CSMD1: variants seen among roughly 807,000 people sequenced by gnomAD.
CSMD1 encodes CUB and sushi domain-containing protein 1.
In CSMD1, 213 loss-of-function variants were observed where a neutral mutation model predicts 417.5. That is an observed-to-expected ratio of 0.51 (90% confidence interval 0.46 to 0.57). The LOEUF (loss-of-function observed/expected upper bound fraction) is 0.57. Ranked by LOEUF, CSMD1 falls within the 20% of genes least tolerant of loss-of-function variation. The pLI, the probability that CSMD1 is intolerant of heterozygous loss-of-function variation, is 0.00. For missense variants in CSMD1, 6,923 were observed against 4,529.7 expected, an observed-to-expected ratio of 1.53 and a Z score of -15.17; for synonymous variants, 2,862 against 1,736.8, an observed-to-expected ratio of 1.65 and a Z score of -16.11.
At chr8:3,232,144 C>A (rs1032451444) in intron 26 of CSMD1, among the ~76,000 whole-genome samples, 2 of 152,208 alleles carry the variant, frequency 1.3e-5, no homozygotes, top group Admixed American at 6.5e-5. Flanking sequence ...CACCTTCTTC[C>A]TCCACTTCAG....
chr8:4,858,912 C>T (rs1011150811), intron 1 of CSMD1, among the ~76,000 whole-genome samples: 1 of 150,988 alleles, frequency 6.6e-6, no homozygotes, highest in Non-Finnish European at 1.5e-5. Flanking sequence ...TTGGAAAAAA[C>T]TACTTTAAAG....
intron 5 of CSMD1, among the ~76,000 whole-genome samples, chr8:3,928,254 A>G (rs1490499266): frequency 6.6e-6 from 1 of 152,254 alleles, no homozygotes; most frequent in African/African-American, 2.4e-5. Flanking sequence ...ATACAGCCTC[A>G]TAATTACATA....
At chr8:3,886,600 G>C (rs1806580452) in intron 5 of CSMD1, among the ~76,000 whole-genome samples, 1 of 152,146 alleles carries the variant, frequency 6.6e-6, no homozygotes, top group Non-Finnish European at 1.5e-5. Flanking sequence ...CAAAGTCCCT[G>C]GAGTCAGATT....
At chr8:3,121,731 G>A (rs374787248) in intron 41 of CSMD1, among the ~76,000 whole-genome samples, 1 of 152,060 alleles carries the variant, frequency 6.6e-6, no homozygotes, top group Admixed American at 6.5e-5. Context: ...GCCAGGAGTC[G>A]AATGCTGCAG....
At position 4,172,485 on chromosome 8, in the gene CSMD1, A is replaced by T. The variant is rs1026482884; in HGVS notation, c.416-140386T>A. Among the ~76,000 whole-genome samples, 32 of 152,126 alleles carry T rather than the reference A, an allele frequency of 2.1e-4. 1 individual carries two copies. Among genetic ancestry groups the T allele is most frequent in the African/African-American group, 7.2e-4 (30 of 41,492 alleles). On this transcript the variant is annotated intron_variant, in intron 3 of 69. Coordinates refer to ENST00000635120, the MANE Select transcript of CSMD1 (RefSeq NM_033225.6). ...ACAGACACTATCTTATTCACATGAC[A>T]ATTAAAAAAAAAAACTGAAGGATCA...
intron 3 of CSMD1, among the ~76,000 whole-genome samples, chr8:4,212,174 T>TATATATA (rs1800352403): frequency 6.9e-6 from 1 of 145,716 alleles, no homozygotes; most frequent in African/African-American, 2.5e-5. Context: ...ACTTCCCTAT[T>TATATATA]TATATATATA....
chr8:3,176,300 A>G (rs1238862334), intron 37 of CSMD1, among the ~76,000 whole-genome samples: 1 of 152,196 alleles, frequency 6.6e-6, no homozygotes, highest in African/African-American at 2.4e-5. Context: ...TAATGAGAAT[A>G]TACATTAAAT....
At chr8:4,269,960 C>A (rs746635296) in intron 3 of CSMD1, among the ~76,000 whole-genome samples, 58 of 152,188 alleles carry the variant, frequency 3.8e-4, no homozygotes, top group African/African-American at 1.4e-3. Flanking sequence ...CACGACCTCT[C>A]TGAGGCACAG....
intron 1 of CSMD1, among the ~76,000 whole-genome samples, chr8:4,896,354 T>G (rs1320279431): frequency 6.6e-6 from 1 of 152,108 alleles, no homozygotes; most frequent in African/African-American, 2.4e-5. Context: ...TATTTGAGCT[T>G]AACACAGGGA....
intron 3 of CSMD1, among the ~76,000 whole-genome samples, chr8:4,399,761 A>T (rs1339393789): frequency 2.0e-5 from 3 of 152,152 alleles, no homozygotes; most frequent in African/African-American, 7.2e-5. Flanking sequence ...AGGCTCCTGA[A>T]TTTTCCTCAT....
chr8:4,026,817 A>G (rs962458100), intron 4 of CSMD1, among the ~76,000 whole-genome samples: 1 of 152,318 alleles, frequency 6.6e-6, no homozygotes, highest in African/African-American at 2.4e-5. Flanking sequence ...TTATGGCTGT[A>G]GGGAGATGAC....
intron 1 of CSMD1, among the ~76,000 whole-genome samples, chr8:4,673,945 G>A (rs147800596): frequency 2.6e-5 from 4 of 152,214 alleles, no homozygotes; most frequent in African/African-American, 9.6e-5. Context: ...AATTAATAAA[G>A]GAGGTGATTG....
At chr8:4,684,020 T>G (rs1380059798) in intron 1 of CSMD1, among the ~76,000 whole-genome samples, 1 of 152,186 alleles carries the variant, frequency 6.6e-6, no homozygotes, top group Non-Finnish European at 1.5e-5. Context: ...AAGTGAATGG[T>G]TGTACATCAG....
chr8:4,270,158 C>T (rs1358088864), intron 3 of CSMD1, among the ~76,000 whole-genome samples: 1 of 152,186 alleles, frequency 6.6e-6, no homozygotes, highest in Admixed American at 6.5e-5. Flanking sequence ...GGACGAGAGA[C>T]TTGAAGGAGG....
chr8:4,581,539 A>G (rs1222249923), intron 2 of CSMD1, among the ~76,000 whole-genome samples: 1 of 152,318 alleles, frequency 6.6e-6, no homozygotes, highest in East Asian at 1.9e-4. Context: ...TACATAACAG[A>G]TTCATTTTAG....
At chr8:3,041,729 G>T (rs1037991747) in intron 50 of CSMD1, among the ~76,000 whole-genome samples, 6 of 152,172 alleles carry the variant, frequency 3.9e-5, no homozygotes, top group Non-Finnish European at 8.8e-5. Context: ...CCAATCCACT[G>T]CTATTTTATA....
chr8:3,325,366 TAC>T (rs1806457623), intron 23 of CSMD1, among the ~76,000 whole-genome samples: 1 of 152,250 alleles, frequency 6.6e-6, no homozygotes, highest in African/African-American at 2.4e-5. Context: ...CATTTGATGA[TAC>T]CATCTGTTGG....
chr8:3,467,361 G>T (rs1041248216), intron 12 of CSMD1, among the ~76,000 whole-genome samples: 2 of 152,066 alleles, frequency 1.3e-5, no homozygotes, highest in African/African-American at 4.8e-5. Flanking sequence ...TCTACCAAAG[G>T]CAGCAGCAAA....
chr8:4,921,948 G>A (rs1376658337), intron 1 of CSMD1, among the ~76,000 whole-genome samples: 3 of 152,122 alleles, frequency 2.0e-5, no homozygotes, highest in Non-Finnish European at 2.9e-5. Context: ...ACATCTGTTT[G>A]GAATACTTGC....
Sources: allele counts gnomAD v4.1 joint callset (sites outside exome capture counted in the v4.1 genomes callset), GRCh38; gene constraint gnomAD v4.1.1; transcripts MANE v1.5; gene names NCBI Gene and HGNC (gene_info 2026-07-23, HGNC 2026-07-21).